Variants in KCNMB1 observed in about 807,000 individuals in gnomAD.
KCNMB1 encodes the protein potassium calcium-activated channel subfamily M regulatory beta subunit 1.
KCNMB1 carries 22 observed loss-of-function variants against 21.7 expected under a neutral mutation model. That is an observed-to-expected ratio of 1.01 (90% CI 0.72 to 1.45). The LOEUF (loss-of-function observed/expected upper bound fraction) is 1.45. Ranked by LOEUF, KCNMB1 falls within the 40% of genes most tolerant of loss-of-function variation. The pLI, the probability that KCNMB1 is intolerant of heterozygous loss-of-function variation, is 0.00. For synonymous variants in KCNMB1, 114 were observed against 107.6 expected (o/e 1.06, Z -0.37); for missense variants, 243 against 243.4 (o/e 1.00, Z 0.01).
chr5:170,381,127 T>C (rs532930535), intron 3 of KCNMB1, among the ~76,000 whole-genome samples: 36 of 152,346 alleles, frequency 2.4e-4, no homozygotes, highest in African/African-American at 8.4e-4. Flanking sequence ...ATCCTCTGCC[T>C]GCTCAGGGTT....
At position 170,383,742 on chromosome 5, in the gene KCNMB1, C is replaced by G; in HGVS notation, c.243G>C (p.Val81=). 6.2e-7 allele frequency: 1 copy of G among 1,614,194 alleles called. No homozygotes were observed. The part of the protein sequence containing the change: ...VPQYPCLWVN[V]SAAGRWAVLY... ...GCACAGCCCACCTGCCGGCAGCTGA[C>G]ACGTTGACCCACAGGCATGGGTACT... The change falls in exon 3 of 4, where the codon GTG becomes GTC. Residue 81 remains valine, a synonymous_variant. Transcript: ENST00000274629.
intron 1 of KCNMB1, among the ~76,000 whole-genome samples, chr5:170,388,454 G>T (rs924441664): frequency 6.6e-6 from 1 of 152,220 alleles, no homozygotes; most frequent in Non-Finnish European, 1.5e-5. Context: ...CAGTTAGACT[G>T]TAAGAAGAAC....
At chr5:170,387,508 G>C (rs1362000809) in intron 1 of KCNMB1, among the ~76,000 whole-genome samples, 1 of 152,154 alleles carries the variant, frequency 6.6e-6, no homozygotes, top group Admixed American at 6.6e-5. Context: ...CAGTGAGCTG[G>C]TCCACCTCCC....
chr5:170,384,262 C>T (rs902047460), intron 2 of KCNMB1, among the ~76,000 whole-genome samples: 2 of 152,146 alleles, frequency 1.3e-5, no homozygotes, highest in African/African-American at 2.4e-5. Flanking sequence ...TTATCCATAT[C>T]GTCTTCATTT....
intron 3 of KCNMB1, chr5:170,383,463 C>T: frequency 3.2e-6 from 2 of 624,382 alleles, no homozygotes; most frequent in South Asian, 1.9e-5. Flanking sequence ...GGCTAAGTGG[C>T]CTGCCTATGT....
intron 2 of KCNMB1, 52 bp downstream of exon 2, chr5:170,385,262 C>A: frequency 6.2e-7 from 1 of 1,607,182 alleles, no homozygotes; most frequent in Admixed American, 1.7e-5. Context: ...CTTACAGATG[C>A]CAGACCCTTA....
chr5:170,376,874 A>G lies in KCNMB1; in HGVS notation c.*1830T>C, dbSNP rs1382764472. ...CGTGTACCCTGCAACTTAAAATGAA[A>G]GTTAAGAAAAAAACACACACACAAA... On this transcript the variant is annotated 3_prime_UTR_variant, in exon 4 of 4. Transcript: ENST00000274629. 1 of 152,224 alleles carries G rather than the reference A, an allele frequency of 6.6e-6. No individual in the cohort carries two copies. Among genetic ancestry groups the G allele is most frequent in the Non-Finnish European group, 1.5e-5 (1 of 68,040 alleles). The allele number at this position is 152,224 out of a possible 1,614,324, so 9.4% of individuals were successfully genotyped here. A position where few individuals can be genotyped will look rare whatever the true frequency, so the allele number is the denominator to read the frequency against.
intron 3 of KCNMB1, 105 bp downstream of exon 3, chr5:170,383,574 C>T: frequency 7.9e-7 from 1 of 1,269,884 alleles, no homozygotes. Context: ...GAGACCTGGT[C>T]AAGTGGGTTG....
At chr5:170,381,476 A>T (rs982857452) in intron 3 of KCNMB1, among the ~76,000 whole-genome samples, 1 of 152,218 alleles carries the variant, frequency 6.6e-6, no homozygotes, top group South Asian at 2.1e-4. Context: ...GAGGACACCC[A>T]GCTAGCCTGG....
chr5:170,387,593 G>T (rs115184716), intron 1 of KCNMB1, among the ~76,000 whole-genome samples: 1 of 152,140 alleles, frequency 6.6e-6, no homozygotes, highest in African/African-American at 2.4e-5. Context: ...AGTTTCTCCT[G>T]CATTCTAATG....
At position 170,386,127 on chromosome 5, in the gene KCNMB1, AAAAAAAC is replaced by A. The variant is rs570652482; in HGVS notation, c.-24-663_-24-657del. 6.6e-5 allele frequency among the ~76,000 whole-genome samples: 10 copies of A among 152,178 alleles called. No homozygotes were observed. The East Asian group carries it at 1.7e-3, about 26-fold the overall frequency. On this transcript the variant is annotated intron_variant, in intron 1 of 3. Coordinates refer to ENST00000274629, the MANE Select transcript of KCNMB1 (RefSeq NM_004137.4). ...GCAACAAAGCAAGACTCCGTCAAAA[AAAAAAAC>A]AAAAAACAAAAAAAGATAAAGGCTC...
rs113923255 is a variant in KCNMB1, at chr5:170,377,200, G to A, written c.*1504C>T. 3,752 of 152,296 alleles carry A rather than the reference G, an allele frequency of 0.025. 102 individuals are homozygous for A. The highest frequency in any genetic ancestry group is 0.061 in the African/African-American group (2,545 of 41,528). The allele number at this position is 152,296 out of a possible 1,614,324, so 9.4% of individuals were successfully genotyped here. A position where few individuals can be genotyped will look rare whatever the true frequency, so the allele number is the denominator to read the frequency against. The stretch of plus-strand genomic sequence containing the variant: ...CGACAGGACGCTCACTTCCTACACC[G>A]GTAGTTCTCTGGCTCGAGGTGTGCC... On this transcript the variant is annotated 3_prime_UTR_variant, in exon 4 of 4. Transcript: ENST00000274629.
chr5:170,382,243 T>C (rs985415417), intron 3 of KCNMB1, among the ~76,000 whole-genome samples: 2 of 152,214 alleles, frequency 1.3e-5, no homozygotes, highest in African/African-American at 4.8e-5. Flanking sequence ...ACAGCAATAA[T>C]TTCCAACCTT....
intron 3 of KCNMB1, among the ~76,000 whole-genome samples, chr5:170,379,479 A>C (rs1052562234): frequency 6.6e-6 from 1 of 152,168 alleles, no homozygotes; most frequent in African/African-American, 2.4e-5. Context: ...TGAAGCAGGC[A>C]AAGCAATGAG....
At chr5:170,381,782 T>G (rs1764251010) in intron 3 of KCNMB1, among the ~76,000 whole-genome samples, 1 of 152,126 alleles carries the variant, frequency 6.6e-6, no homozygotes, top group South Asian at 2.1e-4. Context: ...CCCATATCAC[T>G]CCCGGAGAAT....
rs1268160016 is a variant in KCNMB1 at position 170,378,730 on chromosome 5, G to T, written c.550C>A (p.Leu184Met). The T allele has an allele frequency of 1.2e-6, 2 of 1,613,758 alleles. No homozygotes were observed. Among genetic ancestry groups the T allele is most frequent in the Non-Finnish European group, 1.7e-6 (2 of 1,179,858 alleles). The change falls in exon 4 of 4, where the codon CTG becomes ATG. Residue 184 changes from leucine to methionine, a missense_variant. Transcript: ENST00000274629. ...IIAMVKSNQY[L>M]SILAAQK ...TACTTCTGGGCCGCCAGGATGGACAGGTACTGGTTGCTCTTCACCATGGCG... is the reference window on the plus strand; with the variant it reads ...TACTTCTGGGCCGCCAGGATGGACATGTACTGGTTGCTCTTCACCATGGCG...
At chr5:170,385,605 C>T in intron 1 of KCNMB1, 134 bp from the exon 2 acceptor site, 2 of 876,884 alleles carry the variant, frequency 2.3e-6, no homozygotes, top group Non-Finnish European at 3.5e-6. Flanking sequence ...TTTGCAACTT[C>T]CAGAAGTCTT....
rs532514221 is a variant in KCNMB1 at position 170,377,459 on chromosome 5, A to T, written c.*1245T>A. The T allele has an allele frequency of 6.6e-5, 10 of 152,318 alleles. No individual in the cohort carries two copies. The highest frequency in any genetic ancestry group is 2.4e-4 in the African/African-American group (10 of 41,536). The allele number at this position is 152,318 out of a possible 1,614,324, so 9.4% of individuals were successfully genotyped here. A position where few individuals can be genotyped will look rare whatever the true frequency, so the allele number is the denominator to read the frequency against. On this transcript the variant is annotated 3_prime_UTR_variant, in exon 4 of 4. Transcript: ENST00000274629. ...GCTTCTTCCCATTTTGCCCTTTTCA[A>T]ATCTGAGATAGGCTTCCCCAGCAGG...
chr5:170,381,506 C>T (rs1314454127), intron 3 of KCNMB1, among the ~76,000 whole-genome samples: 1 of 152,224 alleles, frequency 6.6e-6, no homozygotes, highest in Non-Finnish European at 1.5e-5. Flanking sequence ...CACTTGAACC[C>T]CTATGATGGA....
Sources: allele counts gnomAD v4.1 joint callset (sites outside exome capture counted in the v4.1 genomes callset), GRCh38; gene constraint gnomAD v4.1.1; transcripts MANE v1.5; gene names NCBI Gene and HGNC (gene_info 2026-07-23, HGNC 2026-07-21).